RFX3: variants seen among roughly 807,000 people sequenced by gnomAD.
The protein encoded by RFX3 is transcription factor RFX3.
In RFX3, 14 loss-of-function variants were observed where a neutral mutation model predicts 98.6. That is an observed-to-expected ratio of 0.14 (90% CI 0.09 to 0.22). The LOEUF (loss-of-function observed/expected upper bound fraction) is 0.22. Ranked by LOEUF, RFX3 falls within the 10% of genes least tolerant of loss-of-function variation. RFX3 has a pLI of 1.00. For missense variants in RFX3, 639 were observed against 926.9 expected (o/e 0.69, Z 4.03); for synonymous variants, 383 against 328.4 (o/e 1.17, Z -1.80).
intron 1 of RFX3, among the ~76,000 whole-genome samples, chr9:3,422,838 A>C (rs1843574150): frequency 1.3e-5 from 2 of 152,170 alleles, no homozygotes; most frequent in Admixed American, 6.5e-5. Flanking sequence ...GGAGAAATGT[A>C]TTTCAGAAAT....
At chr9:3,425,488 A>C (rs80176060) in intron 1 of RFX3, among the ~76,000 whole-genome samples, 6,173 of 152,286 alleles carry the variant, frequency 0.041, 451 homozygotes, top group African/African-American at 0.14. Context: ...TAAAATGTAT[A>C]AAATAGCCCT....
intron 1 of RFX3, among the ~76,000 whole-genome samples, chr9:3,435,887 G>A (rs115586022): frequency 6.7e-6 from 1 of 150,216 alleles, no homozygotes; most frequent in Non-Finnish European, 1.5e-5. Context: ...TCATGATGCT[G>A]CTCTCTCAAC....
chr9:3,238,908 G>A (rs1462238110), intron 15 of RFX3, among the ~76,000 whole-genome samples: 1 of 151,490 alleles, frequency 6.6e-6, no homozygotes, highest in African/African-American at 2.4e-5. Flanking sequence ...CAGGAGAATC[G>A]CTTGAACCCG....
intron 2 of RFX3, among the ~76,000 whole-genome samples, chr9:3,352,697 T>C (rs1267698189): frequency 6.6e-6 from 1 of 151,990 alleles, no homozygotes; most frequent in Non-Finnish European, 1.5e-5. Flanking sequence ...AAAATGATGT[T>C]TTCAGTCATG....
intron 13 of RFX3, among the ~76,000 whole-genome samples, chr9:3,262,649 C>T (rs1823069711): frequency 6.6e-6 from 1 of 152,192 alleles, no homozygotes; most frequent in African/African-American, 2.4e-5. Flanking sequence ...AATTTCTTGC[C>T]TGTCTAACTT....
chr9:3,485,662 T>A (rs911247635), intron 1 of RFX3, among the ~76,000 whole-genome samples: 4 of 152,260 alleles, frequency 2.6e-5, no homozygotes, highest in African/African-American at 7.2e-5. Flanking sequence ...GAAATGAACT[T>A]GTAATTTTTA....
At chr9:3,503,423 C>T (rs957428568) in intron 1 of RFX3, among the ~76,000 whole-genome samples, 1 of 151,796 alleles carries the variant, frequency 6.6e-6, no homozygotes, top group African/African-American at 2.4e-5. Context: ...TTATTTTGTA[C>T]CATTTTTTAA....
intron 4 of RFX3, among the ~76,000 whole-genome samples, chr9:3,308,189 G>C (rs1376402967): frequency 6.6e-6 from 1 of 152,058 alleles, no homozygotes. Flanking sequence ...ATTATCTAAC[G>C]TTAGGATACA....
At position 3,493,700 on chromosome 9, in the gene RFX3, A is replaced by AATAT. The variant is rs1288255611; in HGVS notation, c.-9+32043_-9+32046dup. Among the ~76,000 whole-genome samples, 126 of 71,760 alleles carry AATAT rather than the reference A, an allele frequency of 1.8e-3. 1 individual carries two copies. The highest frequency in any genetic ancestry group is 2.3e-3 in the South Asian group (5 of 2,218). 47.1% of individuals were successfully genotyped at this position (71,760 alleles called of 152,430 possible). On this transcript the variant is annotated intron_variant, in intron 1 of 16. Transcript: ENST00000617270. Reference sequence around the variant, plus strand: ...CTCATCTCAAAAAAAAAAAAAAAAAAATATATATATATATATATATATATA... The same window carrying AATAT: ...CTCATCTCAAAAAAAAAAAAAAAAAAATATATATATATATATATATATATATATA...
At chr9:3,231,648 G>T (rs533141999) in intron 15 of RFX3, among the ~76,000 whole-genome samples, 70 of 152,148 alleles carry the variant, frequency 4.6e-4, no homozygotes, top group African/African-American at 1.6e-3. Flanking sequence ...TTTATGGCAT[G>T]CAACAAGTCA....
chr9:3,389,691 T>C (rs1840084313), intron 2 of RFX3, among the ~76,000 whole-genome samples: 1 of 152,100 alleles, frequency 6.6e-6, no homozygotes, highest in Non-Finnish European at 1.5e-5. Flanking sequence ...CAAAATTACT[T>C]AAAATATTGT....
At chr9:3,328,457 T>C (rs953130339) in intron 4 of RFX3, among the ~76,000 whole-genome samples, 1 of 152,154 alleles carries the variant, frequency 6.6e-6, no homozygotes, top group Non-Finnish European at 1.5e-5. Flanking sequence ...GGTTTATTAG[T>C]AGCAATCCCC....
At chr9:3,523,966 T>G (rs1461372140) in intron 1 of RFX3, among the ~76,000 whole-genome samples, 1 of 152,244 alleles carries the variant, frequency 6.6e-6, no homozygotes, top group Non-Finnish European at 1.5e-5. Context: ...TACAAAATAT[T>G]AGCCTTAATA....
intron 4 of RFX3, among the ~76,000 whole-genome samples, chr9:3,313,303 C>T (rs1161760342): frequency 1.3e-5 from 2 of 152,166 alleles, no homozygotes; most frequent in South Asian, 2.1e-4. Flanking sequence ...AGCTGAGGGT[C>T]CTGACTGTTA....
chr9:3,471,029 A>T (rs1304114710), intron 1 of RFX3, among the ~76,000 whole-genome samples: 3 of 152,198 alleles, frequency 2.0e-5, no homozygotes, highest in Non-Finnish European at 4.4e-5. Context: ...TATCTACATT[A>T]ATGTAATTCT....
At chr9:3,282,742 C>A (rs567483300) in intron 7 of RFX3, among the ~76,000 whole-genome samples, 1 of 151,748 alleles carries the variant, frequency 6.6e-6, no homozygotes, top group Non-Finnish European at 1.5e-5. Context: ...TTCCCACCTT[C>A]TTTATTTGAA....
chr9:3,227,980 T>C (rs1393972434), intron 16 of RFX3, among the ~76,000 whole-genome samples: 1 of 152,174 alleles, frequency 6.6e-6, no homozygotes, highest in Non-Finnish European at 1.5e-5. Flanking sequence ...GCTAAGTGCA[T>C]AGTTCTCCCC....
intron 5 of RFX3, among the ~76,000 whole-genome samples, chr9:3,299,723 T>G (rs1336666802): frequency 6.6e-6 from 1 of 151,806 alleles, no homozygotes; most frequent in Non-Finnish European, 1.5e-5. Flanking sequence ...TCTTAAACAT[T>G]CTTTCATGAA....
At chr9:3,389,335 A>G (rs928882663) in intron 2 of RFX3, among the ~76,000 whole-genome samples, 6 of 152,166 alleles carry the variant, frequency 3.9e-5, no homozygotes, top group African/African-American at 1.4e-4. Context: ...GGATGAGGAG[A>G]AGGAGCAATC....
Sources: allele counts gnomAD v4.1 joint callset (sites outside exome capture counted in the v4.1 genomes callset), GRCh38; gene constraint gnomAD v4.1.1; transcripts MANE v1.5; gene names NCBI Gene and HGNC (gene_info 2026-07-23, HGNC 2026-07-21).